Variants in MDGA2 observed in about 807,000 individuals in gnomAD.
MDGA2 encodes the protein MAM domain containing glycosylphosphatidylinositol anchor 2.
In MDGA2, 40 loss-of-function variants were observed where a neutral mutation model predicts 117.8. The ratio of observed to expected loss-of-function variants is 0.34; its 90% CI spans 0.26 to 0.44. MDGA2 has a LOEUF of 0.44. Among genes scored for constraint, MDGA2 ranks in the 20% least tolerant of loss-of-function variants. The pLI, the probability that MDGA2 is intolerant of heterozygous loss-of-function variation, is 1.00. For synonymous variants in MDGA2, 452 were observed against 439.0 expected, an observed-to-expected ratio of 1.03 and a Z score of -0.37; for missense variants, 1,123 against 1,250.6, an observed-to-expected ratio of 0.90 and a Z score of 1.54.
intron 11 of MDGA2, among the ~76,000 whole-genome samples, chr14:46,880,489 A>G (rs1419211439): frequency 6.6e-6 from 1 of 151,988 alleles, no homozygotes; most frequent in Non-Finnish European, 1.5e-5. Context: ...TGAAATATTT[A>G]TCTCTTTAGT....
At chr14:47,661,196 T>A (rs541199963) in intron 1 of MDGA2, among the ~76,000 whole-genome samples, 1 of 152,070 alleles carries the variant, frequency 6.6e-6, no homozygotes, top group African/African-American at 2.4e-5. Flanking sequence ...TAAATAAGTA[T>A]AAATACAAGT....
intron 1 of MDGA2, among the ~76,000 whole-genome samples, chr14:47,407,846 C>T (rs909847456): frequency 3.3e-5 from 5 of 152,084 alleles, no homozygotes; most frequent in Non-Finnish European, 5.9e-5. Context: ...ATTAGTTAAA[C>T]AAAACAGGTG....
intron 1 of MDGA2, among the ~76,000 whole-genome samples, chr14:47,339,083 T>C (rs993118391): frequency 6.6e-6 from 1 of 152,124 alleles, no homozygotes; most frequent in Non-Finnish European, 1.5e-5. Context: ...AATAAATTTG[T>C]ATCTTTTACA....
At chr14:47,646,792 G>C (rs1230608939) in intron 1 of MDGA2, among the ~76,000 whole-genome samples, 4 of 152,168 alleles carry the variant, frequency 2.6e-5, no homozygotes, top group African/African-American at 7.2e-5. Flanking sequence ...ATTTTGATCA[G>C]AGCCATTTTA....
At chr14:47,242,739 C>A (rs1479605662) in intron 2 of MDGA2, among the ~76,000 whole-genome samples, 1 of 151,798 alleles carries the variant, frequency 6.6e-6, no homozygotes, top group Non-Finnish European at 1.5e-5. Context: ...ACTCCATGGG[C>A]CCCTGTGCGG....
At chr14:47,629,494 GTTTACC>G (rs1200857789) in intron 1 of MDGA2, among the ~76,000 whole-genome samples, 1 of 152,148 alleles carries the variant, frequency 6.6e-6, no homozygotes, top group African/African-American at 2.4e-5. Context: ...AGCGGTTTCT[GTTTACC>G]TCTCTGAAAA....
intron 3 of MDGA2, among the ~76,000 whole-genome samples, chr14:47,209,265 C>T (rs564367296): frequency 1.4e-4 from 21 of 152,154 alleles, no homozygotes; most frequent in South Asian, 2.1e-4. Flanking sequence ...ACCAGTAGTT[C>T]GAGTAGAGTG....
chr14:47,396,360 C>G (rs927151940), intron 1 of MDGA2, among the ~76,000 whole-genome samples: 4 of 151,966 alleles, frequency 2.6e-5, no homozygotes, highest in Admixed American at 6.6e-5. Context: ...CCATGAAAAC[C>G]CTTTTTTCTT....
intron 1 of MDGA2, among the ~76,000 whole-genome samples, chr14:47,554,281 T>C (rs1895643385): frequency 6.6e-6 from 1 of 152,234 alleles, no homozygotes; most frequent in East Asian, 1.9e-4. Flanking sequence ...TATATGGATA[T>C]GAATTTTGCT....
intron 1 of MDGA2, among the ~76,000 whole-genome samples, chr14:47,443,919 C>G (rs1893067387): frequency 6.6e-6 from 1 of 152,192 alleles, no homozygotes; most frequent in African/African-American, 2.4e-5. Context: ...TTCCTTCCTA[C>G]ATAGGTTCTG....
intron 1 of MDGA2, among the ~76,000 whole-genome samples, chr14:47,614,028 T>C (rs1452294123): frequency 6.6e-6 from 1 of 150,828 alleles, no homozygotes; most frequent in Admixed American, 6.6e-5. Context: ...CGGACAAAAA[T>C]CAATTTTCCC....
At position 46,906,290 on chromosome 14, in the gene MDGA2, T is replaced by TAAC. The variant is rs1360171077; in HGVS notation, c.2238+13721_2238+13722insGTT. ...AAAATGAGATGAGTCCTTAAAATAATAATAATAATAATAATAATTTTACTG... is the reference window on the plus strand; with the variant it reads ...AAAATGAGATGAGTCCTTAAAATAATAACAATAATAATAATAATAATTTTACTG... On this transcript the variant is annotated intron_variant, in intron 10 of 16. Coordinates refer to ENST00000399232, the MANE Select transcript of MDGA2 (RefSeq NM_001113498.3). Among the ~76,000 whole-genome samples the TAAC allele has an allele frequency of 5.9e-5, 9 of 151,692 alleles. 1 individual carries two copies. The highest frequency in any genetic ancestry group is 1.9e-4 in the African/African-American group (8 of 41,458).
intron 3 of MDGA2, among the ~76,000 whole-genome samples, chr14:47,205,728 G>T (rs964572336): frequency 2.0e-5 from 3 of 151,996 alleles, no homozygotes; most frequent in Non-Finnish European, 4.4e-5. Flanking sequence ...AATTTTGCAA[G>T]TCTGAGAGCT....
chr14:46,933,534 A>C (rs761794171), intron 9 of MDGA2, among the ~76,000 whole-genome samples: 15 of 151,408 alleles, frequency 9.9e-5, no homozygotes, highest in Non-Finnish European at 2.1e-4. Flanking sequence ...TTAATCTCCC[A>C]CTACACTTCC....
chr14:47,344,489 T>A (rs1201406042), intron 1 of MDGA2, among the ~76,000 whole-genome samples: 1 of 152,138 alleles, frequency 6.6e-6, no homozygotes. Flanking sequence ...TTTTACAAGA[T>A]GTATGATGGC....
At chr14:47,399,639 G>A (rs949394026) in intron 1 of MDGA2, among the ~76,000 whole-genome samples, 2 of 149,570 alleles carry the variant, frequency 1.3e-5, no homozygotes, top group African/African-American at 4.9e-5. Context: ...AGAGCAGACT[G>A]AATAAATGCG....
intron 1 of MDGA2, among the ~76,000 whole-genome samples, chr14:47,342,620 T>C (rs1890663441): frequency 6.6e-6 from 1 of 152,146 alleles, no homozygotes; most frequent in South Asian, 2.1e-4. Flanking sequence ...GCTATATATT[T>C]TACTAAGAAG....
rs564073253 is a variant in MDGA2 at position 47,072,696 on chromosome 14, T to G, written c.1196-11118A>C. 5.1e-4 allele frequency among the ~76,000 whole-genome samples: 77 copies of G among 152,278 alleles called. 1 individual carries two copies. The South Asian group carries it at 0.015, about 29-fold the overall frequency. ...GTATAGAGTCCAGCCATCTGCATTT[T>G]AACAACCCCTCTGAGTGATTCTGAT... is the stretch of plus-strand genomic sequence containing the variant. On this transcript the variant is annotated intron_variant, in intron 6 of 16. Transcript: ENST00000399232.
At chr14:46,936,625 G>A (rs1167074048) in intron 9 of MDGA2, among the ~76,000 whole-genome samples, 5 of 151,800 alleles carry the variant, frequency 3.3e-5, no homozygotes, top group Non-Finnish European at 5.9e-5. Context: ...ATATACTGTG[G>A]TATGGATAGC....
Sources: gnomAD v4.1 joint callset for allele counts (sites outside exome capture counted in the v4.1 genomes callset) on GRCh38, gnomAD v4.1.1 for gene constraint, MANE v1.5 for transcripts, NCBI Gene and HGNC (gene_info 2026-07-23, HGNC 2026-07-21) for gene names.